The following RARB variants were observed in gnomAD, a reference collection of about 807,000 sequenced individuals.
RARB encodes the protein retinoic acid receptor beta.
RARB carries 17 observed loss-of-function variants against 51.9 expected under a neutral mutation model. The observed-to-expected ratio is 0.33, with a 90% CI of 0.22 to 0.49. RARB has a LOEUF of 0.49. RARB is among the 20% of genes least tolerant of loss of function. The pLI is 0.99. For synonymous variants in RARB, 215 were observed against 195.4 expected (o/e 1.10, Z -0.84); for missense variants, 369 against 550.8 (o/e 0.67, Z 3.30).
chr3:25,496,032 GA>G (rs1188238548), intron 2 of RARB, among the ~76,000 whole-genome samples: 3 of 152,192 alleles, frequency 2.0e-5, no homozygotes, highest in African/African-American at 7.2e-5. Context: ...TAACAGCTGA[GA>G]AATCTGATTG....
At chr3:24,930,955 G>A (rs1406713061) in intron 2 of RARB, among the ~76,000 whole-genome samples, 1 of 152,122 alleles carries the variant, frequency 6.6e-6, no homozygotes, top group Non-Finnish European at 1.5e-5. Flanking sequence ...TGAGGTTGCA[G>A]TTAGCTATTA....
intron 2 of RARB, among the ~76,000 whole-genome samples, chr3:24,928,999 T>G (rs1188082312): frequency 2.6e-5 from 4 of 152,074 alleles, no homozygotes; most frequent in African/African-American, 9.7e-5. Context: ...TGATCATGTT[T>G]TCTCCTACTG....
At chr3:25,506,571 A>G (rs1434780590) in intron 3 of RARB, among the ~76,000 whole-genome samples, 1 of 151,626 alleles carries the variant, frequency 6.6e-6, no homozygotes, top group Non-Finnish European at 1.5e-5. Flanking sequence ...AGCCATTTTC[A>G]TGCCACTTCA....
chr3:25,264,685 C>T (rs1483852), intron 5 of RARB, among the ~76,000 whole-genome samples: 1 of 151,938 alleles, frequency 6.6e-6, no homozygotes, highest in Non-Finnish European at 1.5e-5. Context: ...GGCATTTTTC[C>T]TAAACTCTTA....
intron 4 of RARB, among the ~76,000 whole-genome samples, chr3:25,145,350 T>G (rs1700169393): frequency 6.6e-6 from 1 of 152,106 alleles, no homozygotes; most frequent in Admixed American, 6.6e-5. Context: ...TGTGGAAAAC[T>G]AGGAACATAT....
chr3:24,887,454 C>A lies in RARB; in HGVS notation c.-380+28702C>A, dbSNP rs148871571. Among the ~76,000 whole-genome samples, 7 of 152,256 alleles carry A rather than the reference C, an allele frequency of 4.6e-5. No homozygotes were observed. The East Asian group carries it at 1.3e-3, about 29-fold the overall frequency. On this transcript the variant is annotated intron_variant, in intron 2 of 11. Transcript: ENST00000383772. ...CTGTCTCAATGCTCCTTGAGAGTTA[C>A]AGTATTGAGTGTACCTTCTTTGAAG... is the stretch of plus-strand genomic sequence containing the variant.
At chr3:25,514,688 T>G (rs1698071185) in intron 3 of RARB, among the ~76,000 whole-genome samples, 1 of 152,236 alleles carries the variant, frequency 6.6e-6, no homozygotes, top group Non-Finnish European at 1.5e-5. Flanking sequence ...TGTTTAAATC[T>G]TAAAATAAAA....
At chr3:25,385,331 C>T (rs1706760914) in intron 5 of RARB, among the ~76,000 whole-genome samples, 1 of 152,146 alleles carries the variant, frequency 6.6e-6, no homozygotes, top group Non-Finnish European at 1.5e-5. Flanking sequence ...TGTTTGGTCT[C>T]TGGATCCTTC....
At chr3:25,199,525 C>T (rs1304663033) in intron 5 of RARB, among the ~76,000 whole-genome samples, 1 of 151,994 alleles carries the variant, frequency 6.6e-6, no homozygotes, top group Non-Finnish European at 1.5e-5. Flanking sequence ...CATATGTATA[C>T]ATGTGCCATG....
intron 2 of RARB, among the ~76,000 whole-genome samples, chr3:24,920,271 AAATCGTGTT>A: frequency 6.6e-6 from 1 of 152,212 alleles, no homozygotes; most frequent in Non-Finnish European, 1.5e-5. Context: ...TTTCCAATGG[AAATCGTGTT>A]AATCCTTCTA....
At chr3:25,471,323 A>G (rs192187501) in intron 2 of RARB, among the ~76,000 whole-genome samples, 9 of 152,348 alleles carry the variant, frequency 5.9e-5, no homozygotes, top group Non-Finnish European at 7.3e-5. Context: ...GTGGAAGAGT[A>G]CTGAGGGCTG....
At chr3:24,928,953 A>G (rs1217382334) in intron 2 of RARB, among the ~76,000 whole-genome samples, 1 of 152,050 alleles carries the variant, frequency 6.6e-6, no homozygotes, top group Non-Finnish European at 1.5e-5. Context: ...AAAGAAAGAG[A>G]ATATTCTCAC....
intron 2 of RARB, among the ~76,000 whole-genome samples, chr3:24,928,183 C>T (rs1695360321): frequency 6.6e-6 from 1 of 151,764 alleles, no homozygotes; most frequent in Admixed American, 6.6e-5. Flanking sequence ...AAGTCAATGT[C>T]ATTTGTAGGT....
chr3:24,966,473 A>G (rs1368405536), intron 2 of RARB, among the ~76,000 whole-genome samples: 2 of 152,026 alleles, frequency 1.3e-5, no homozygotes, highest in Non-Finnish European at 2.9e-5. Flanking sequence ...CTTCTCTCTT[A>G]TTTCCCTGGT....
chr3:25,389,344 A>G (rs1385343738), intron 5 of RARB, among the ~76,000 whole-genome samples: 1 of 152,106 alleles, frequency 6.6e-6, no homozygotes, highest in Non-Finnish European at 1.5e-5. Flanking sequence ...AACAAGGTCC[A>G]TTTTGTCACA....
At chr3:25,174,635 A>C in intron 5 of RARB, 1 of 1,316,344 alleles carries the variant, frequency 7.6e-7, no homozygotes, top group Non-Finnish European at 1.0e-6. Context: ...GGGACCTGAG[A>C]AAACGGAATG....
chr3:25,417,915 T>C (rs945814810), intron 5 of RARB, among the ~76,000 whole-genome samples: 13 of 152,114 alleles, frequency 8.5e-5, no homozygotes, highest in African/African-American at 2.7e-4. Context: ...CAGCCAGTAC[T>C]CCACATGGAC....
chr3:25,335,884 T>C (rs1705047272), intron 5 of RARB, among the ~76,000 whole-genome samples: 1 of 152,166 alleles, frequency 6.6e-6, no homozygotes, highest in Non-Finnish European at 1.5e-5. Context: ...AATGGGGAAA[T>C]AATTTAGTAG....
intron 5 of RARB, among the ~76,000 whole-genome samples, chr3:25,210,529 C>CTTTTTTTTTTTTTTTTTTT (rs773846113): frequency 5.4e-4 from 15 of 27,628 alleles, no homozygotes; most frequent in Admixed American, 1.2e-3. Context: ...TTATCTGATT[C>CTTTTTTTTTTTTTTTTTTT]TTTTTTTTTT....
Sources: allele counts gnomAD v4.1 joint callset (sites outside exome capture counted in the v4.1 genomes callset), GRCh38; gene constraint gnomAD v4.1.1; transcripts MANE v1.5; gene names NCBI Gene and HGNC (gene_info 2026-07-23, HGNC 2026-07-21).